Variants in ATXN7L1 observed in about 807,000 individuals in gnomAD.
ATXN7L1 encodes the protein ataxin-7-like protein 1.
Under a neutral mutation model 70.8 loss-of-function variants are expected in ATXN7L1, and 15 were observed. That is an observed-to-expected ratio of 0.21 (90% CI 0.14 to 0.33). The LOEUF is 0.33. Ranked by LOEUF, ATXN7L1 falls within the 10% of genes least tolerant of loss-of-function variation. ATXN7L1 has a pLI of 1.00. For synonymous variants in ATXN7L1, 440 were observed against 445.1 expected (o/e 0.99, Z 0.14); for missense variants, 975 against 1,097.1 (o/e 0.89, Z 1.57).
intron 3 of ATXN7L1, among the ~76,000 whole-genome samples, chr7:105,764,167 A>G (rs1800933880): frequency 6.6e-6 from 1 of 152,168 alleles, no homozygotes; most frequent in Non-Finnish European, 1.5e-5. Context: ...GTTTTTAACT[A>G]AAAACAAAAA....
At chr7:105,848,325 C>T in intron 2 of ATXN7L1, among the ~76,000 whole-genome samples, 1 of 152,176 alleles carries the variant, frequency 6.6e-6, no homozygotes, top group East Asian at 1.9e-4. Flanking sequence ...GGCAATTTAG[C>T]AATGAGTATC....
Position 105,651,761 on chromosome 7 carries a change from T to C in ATXN7L1, c.579-8640A>G, listed in dbSNP as rs192569328. Among the ~76,000 whole-genome samples, 144 of 152,340 alleles carry C rather than the reference T, an allele frequency of 9.5e-4. 2 individuals carry two copies. The highest frequency in any genetic ancestry group is 3.2e-3 in the African/African-American group (132 of 41,586). ...AAGGTCCCATCTGTATAGGACATTC[T>C]GGAAGAGGAGTAAGGAGGAACTCCA... On this transcript the variant is annotated intron_variant, in intron 4 of 11. Transcript: ENST00000419735.
rs1210970245 is a variant in ATXN7L1, at chr7:105,796,293, C to T, written c.251-7585G>A. ...CAGGAGAATAGCTTGAACCGTGAGG[C>T]GGAGCTTGCAGTGAACAGAGATCGC... On this transcript the variant is annotated intron_variant, in intron 2 of 11. Coordinates refer to ENST00000419735, the MANE Select transcript of ATXN7L1 (RefSeq NM_020725.2). 3.9e-5 allele frequency among the ~76,000 whole-genome samples: 6 copies of T among 152,258 alleles called. No individual in the cohort carries two copies. The South Asian group carries it at 1.0e-3, about 26-fold the overall frequency.
chr7:105,793,362 G>T, intron 2 of ATXN7L1, among the ~76,000 whole-genome samples: 1 of 152,194 alleles, frequency 6.6e-6, no homozygotes, highest in East Asian at 1.9e-4. Flanking sequence ...GCTTGGCCTT[G>T]TACCTTTTTC....
intron 2 of ATXN7L1, among the ~76,000 whole-genome samples, chr7:105,801,147 A>T (rs548299073): frequency 6.6e-6 from 1 of 152,350 alleles, no homozygotes; most frequent in East Asian, 1.9e-4. Flanking sequence ...AATACATATC[A>T]TTTAGAATCA....
chr7:105,662,175 T>A (rs2116050243), intron 4 of ATXN7L1, among the ~76,000 whole-genome samples: 1 of 151,262 alleles, frequency 6.6e-6, no homozygotes, highest in South Asian at 2.1e-4. Flanking sequence ...CGATCTTGGC[T>A]CACTGCAACC....
chr7:105,757,633 G>A (rs1799972853), intron 3 of ATXN7L1, among the ~76,000 whole-genome samples: 2 of 136,476 alleles, frequency 1.5e-5, no homozygotes, highest in African/African-American at 5.7e-5. Flanking sequence ...AGACTGGAGT[G>A]CAGTGGCACG....
chr7:105,816,690 T>C (rs1000083974), intron 2 of ATXN7L1, among the ~76,000 whole-genome samples: 49 of 152,230 alleles, frequency 3.2e-4, no homozygotes, highest in African/African-American at 1.2e-3. Context: ...GTGTGTGCTG[T>C]CTCACCTCCA....
intron 7 of ATXN7L1, among the ~76,000 whole-genome samples, chr7:105,624,565 G>A (rs1444079386): frequency 6.8e-6 from 1 of 147,626 alleles, no homozygotes; most frequent in African/African-American, 2.5e-5. Context: ...CAGGGGAATT[G>A]CTTGAACCCG....
intron 3 of ATXN7L1, among the ~76,000 whole-genome samples, chr7:105,766,525 G>A (rs1170217096): frequency 6.6e-6 from 1 of 152,188 alleles, no homozygotes; most frequent in African/African-American, 2.4e-5. Context: ...AATGAGAAAT[G>A]CACCTATCAA....
chr7:105,773,620 C>T (rs538283981), intron 3 of ATXN7L1, among the ~76,000 whole-genome samples: 2 of 152,212 alleles, frequency 1.3e-5, no homozygotes, highest in South Asian at 4.2e-4. Flanking sequence ...GATATAGGCC[C>T]AGGTATCTCA....
chr7:105,624,278 G>C lies in ATXN7L1; in HGVS notation c.1203-11C>G. 1 of 1,381,900 alleles carries C rather than the reference G, an allele frequency of 7.2e-7. No individual in the cohort carries two copies. The highest frequency in any genetic ancestry group is 9.5e-7 in the Non-Finnish European group (1 of 1,053,014). The allele number at this position is 1,381,900 out of a possible 1,614,324, so 85.6% of individuals were successfully genotyped here. ...TTTGCAGATGATGGTCTAAGGGCAAGAGCGGAGAACAAACAAAATAAACCA... is the reference window on the plus strand; with the variant it reads ...TTTGCAGATGATGGTCTAAGGGCAACAGCGGAGAACAAACAAAATAAACCA... On this transcript the variant is annotated splice_polypyrimidine_tract_variant and intron_variant, in intron 7 of 11. Coordinates refer to ENST00000419735, the MANE Select transcript of ATXN7L1 (RefSeq NM_020725.2).
At chr7:105,860,598 T>C (rs1238388805) in intron 2 of ATXN7L1, among the ~76,000 whole-genome samples, 1 of 152,180 alleles carries the variant, frequency 6.6e-6, no homozygotes, top group Non-Finnish European at 1.5e-5. Context: ...AAATGGGAAC[T>C]GTTGTTTCAT....
rs556662363 is a variant in ATXN7L1 at position 105,663,966 on chromosome 7, C to T, written c.578+1100G>A. Among the ~76,000 whole-genome samples the T allele has an allele frequency of 1.5e-3, 224 of 152,100 alleles. 1 individual carries two copies. Among genetic ancestry groups the T allele is most frequent in the African/African-American group, 5.2e-3 (215 of 41,476 alleles). On this transcript the variant is annotated intron_variant, in intron 4 of 11. Coordinates refer to ENST00000419735, the MANE Select transcript of ATXN7L1 (RefSeq NM_020725.2). Reference sequence around the variant, plus strand: ...TATATTTTTAGTAGAGATGGGGTTTCGCCACGTTGGTCAGGCCGGTCTTGA... The same window carrying T: ...TATATTTTTAGTAGAGATGGGGTTTTGCCACGTTGGTCAGGCCGGTCTTGA...
chr7:105,778,626 C>T (rs928064169), intron 3 of ATXN7L1, among the ~76,000 whole-genome samples: 6 of 151,382 alleles, frequency 4.0e-5, no homozygotes, highest in Non-Finnish European at 8.8e-5. Context: ...TGCTTATTTG[C>T]AACATTTCTA....
At chr7:105,840,467 A>G (rs1813042140) in intron 2 of ATXN7L1, among the ~76,000 whole-genome samples, 1 of 152,170 alleles carries the variant, frequency 6.6e-6, no homozygotes, top group Non-Finnish European at 1.5e-5. Context: ...GGCGCCTTGA[A>G]TGTGTCTGAG....
At chr7:105,794,012 C>CCATCCAT (rs1037543866) in intron 2 of ATXN7L1, among the ~76,000 whole-genome samples, 3 of 140,324 alleles carry the variant, frequency 2.1e-5, no homozygotes, top group Non-Finnish European at 3.1e-5. Context: ...ACCCATCCAT[C>CCATCCAT]CATCCATCAT....
intron 3 of ATXN7L1, among the ~76,000 whole-genome samples, chr7:105,726,591 G>A (rs997531371): frequency 2.0e-5 from 3 of 152,200 alleles, no homozygotes; most frequent in Non-Finnish European, 2.9e-5. Context: ...AATGACAGGT[G>A]AGAAATACAG....
At chr7:105,799,316 A>T (rs1806456066) in intron 2 of ATXN7L1, among the ~76,000 whole-genome samples, 1 of 152,230 alleles carries the variant, frequency 6.6e-6, no homozygotes, top group African/African-American at 2.4e-5. Flanking sequence ...CCACTCCAGA[A>T]AATTCCCCCA....
Sources: gnomAD v4.1 joint callset for allele counts (sites outside exome capture counted in the v4.1 genomes callset) on GRCh38, gnomAD v4.1.1 for gene constraint, MANE v1.5 for transcripts, NCBI Gene and HGNC (gene_info 2026-07-23, HGNC 2026-07-21) for gene names.